The following TDP2 variants were observed in gnomAD, a reference collection of about 807,000 sequenced individuals.
TDP2 encodes tyrosyl-DNA phosphodiesterase 2.
Under a neutral mutation model 42.8 loss-of-function variants are expected in TDP2, and 38 were observed. That is an observed-to-expected ratio of 0.89 (90% CI 0.68 to 1.16). The LOEUF (loss-of-function observed/expected upper bound fraction) is 1.16. Ranked by LOEUF, TDP2 falls within the 50% of genes most tolerant of loss-of-function variation. The pLI is 0.00. For missense variants in TDP2, 439 were observed against 439.3 expected (o/e 1.00, Z 0.01); for synonymous variants, 173 against 150.6 (o/e 1.15, Z -1.09).
intron 2 of TDP2, among the ~76,000 whole-genome samples, chr6:24,659,685 T>C (rs538476254): frequency 6.6e-6 from 1 of 152,352 alleles, no homozygotes; most frequent in South Asian, 2.1e-4. Flanking sequence ...GATCTCATTG[T>C]GGCAGATAAA....
At chr6:24,665,888 G>A (rs1014194740) in intron 2 of TDP2, 2 of 451,770 alleles carry the variant, frequency 4.4e-6, no homozygotes, top group Non-Finnish European at 7.3e-6. Flanking sequence ...AAAATTCCAG[G>A]CACAGGTAAT....
chr6:24,665,969 T>C lies in TDP2; in HGVS notation c.251+557A>G, dbSNP rs956990498. On this transcript the variant is annotated intron_variant, in intron 2 of 6. Transcript: ENST00000378198. The stretch of plus-strand genomic sequence containing the variant: ...GAAAAAAGTAAAAGTTTGATAGGCC[T>C]GGAACCTGGAAAGGCAGGTTCTAAG... The C allele has an allele frequency of 3.6e-6, 4 of 1,111,374 alleles. No individual in the cohort carries two copies. In the African/African-American group the frequency reaches 4.8e-5, roughly 13 times the overall value. 68.8% of individuals were successfully genotyped at this position (1,111,374 alleles called of 1,614,324 possible).
At chr6:24,658,028 T>C (rs1283589009) in intron 3 of TDP2, 125 bp from the exon 4 acceptor site, 15 of 581,730 alleles carry the variant, frequency 2.6e-5, no homozygotes, top group Non-Finnish European at 2.1e-5. Flanking sequence ...ATATTGAGTG[T>C]TTATGCTGAT....
intron 4 of TDP2, among the ~76,000 whole-genome samples, chr6:24,654,927 A>G (rs1778039848): frequency 6.6e-6 from 1 of 152,122 alleles, no homozygotes; most frequent in South Asian, 2.1e-4. Flanking sequence ...AATCCCAGCT[A>G]CTCGGGAGGC....
intron 5 of TDP2, among the ~76,000 whole-genome samples, chr6:24,654,094 A>G (rs1778020330): frequency 6.6e-6 from 1 of 152,308 alleles, no homozygotes; most frequent in East Asian, 1.9e-4. Context: ...AGCAAGATCT[A>G]TTTTTCATTT....
In TDP2 at chr6:24,666,586, G is replaced by A; in HGVS notation, c.191C>T (p.Pro64Leu). Residue 64 changes from proline to leucine, a missense_variant, in exon 2 of 7, where the codon CCT becomes CTT. Coordinates refer to ENST00000378198, the MANE Select transcript of TDP2 (RefSeq NM_016614.3). ...MERALNSYFEPPVEESALERR... is the reference protein window; with the variant it reads ...MERALNSYFELPVEESALERR... ...TTCCAAGGCGCTCTCCTCCACCGGA[G>A]GCTCGAAGTAGGAGTTCAGAGCCCT... 1.9e-6 allele frequency: 3 copies of A among 1,614,224 alleles called. No homozygotes were observed. Among genetic ancestry groups the A allele is most frequent in the East Asian group, 4.5e-5 (2 of 44,892 alleles).
chr6:24,654,329 C>T (rs1778024135), intron 5 of TDP2, 83 bp downstream of exon 5: 1 of 668,698 alleles, frequency 1.5e-6, no homozygotes, highest in Non-Finnish European at 2.4e-6. Flanking sequence ...TCTCTAAAGG[C>T]AATGGTTTTA....
chr6:24,666,852 C>T lies in TDP2; in HGVS notation c.11G>A (p.Gly4Glu). 6.2e-7 allele frequency: 1 copy of T among 1,613,896 alleles called. No individual in the cohort carries two copies. Among genetic ancestry groups the T allele is most frequent in the South Asian group, 1.1e-5 (1 of 91,088 alleles). MEL[G>E]SCLEGGREAA... Reference sequence around the variant, plus strand: ...CTCCCTCCCGCCCTCCAGGCAACTCCCCAACTCCATCTTCCTGCCGCCTCT... The same window carrying T: ...CTCCCTCCCGCCCTCCAGGCAACTCTCCAACTCCATCTTCCTGCCGCCTCT... The change falls in exon 1 of 7, where the codon GGG becomes GAG. Residue 4 changes from glycine to glutamate, a missense_variant. Gly to Glu is a moderately conservative substitution (Grantham distance 98). Coordinates refer to ENST00000378198, the MANE Select transcript of TDP2 (RefSeq NM_016614.3).
chr6:24,656,269 G>A (rs931912390), intron 4 of TDP2, among the ~76,000 whole-genome samples: 4 of 151,996 alleles, frequency 2.6e-5, no homozygotes, highest in South Asian at 2.1e-4. Context: ...CAAGAAAGTA[G>A]AACAGTCAAT....
Position 24,649,994 on chromosome 6 carries a change from T to C in TDP2, c.*794A>G, listed in dbSNP as rs1303081320. ...ACAAACCATAAACAAATAAAATTCT[T>C]TATTTAAATTTCTCTTGTGGGGAAA... On this transcript the variant is annotated 3_prime_UTR_variant, in exon 7 of 7. Coordinates refer to ENST00000378198, the MANE Select transcript of TDP2 (RefSeq NM_016614.3). The C allele has an allele frequency of 6.6e-6, 1 of 152,216 alleles. No homozygotes were observed. The highest frequency in any genetic ancestry group is 1.5e-5 in the Non-Finnish European group (1 of 68,038). 9.4% of individuals were successfully genotyped at this position (152,216 alleles called of 1,614,324 possible).
At chr6:24,656,718 G>A (rs1235713074) in intron 4 of TDP2, among the ~76,000 whole-genome samples, 1 of 152,122 alleles carries the variant, frequency 6.6e-6, no homozygotes, top group Non-Finnish European at 1.5e-5. Context: ...TCAGAATTCT[G>A]AAGGAAAACA....
At position 24,657,799 on chromosome 6, in the gene TDP2, CA is replaced by C. The variant is rs757617796; in HGVS notation, c.517+12del. The C allele has an allele frequency of 9.6e-6, 14 of 1,464,854 alleles. No homozygotes were observed. The highest frequency in any genetic ancestry group is 1.3e-5 in the Non-Finnish European group (14 of 1,074,432). The allele number at this position is 1,464,854 out of a possible 1,614,324, so 90.7% of individuals were successfully genotyped here. A position where few individuals can be genotyped will look rare whatever the true frequency, so the allele number is the denominator to read the frequency against. ...TTCAAAGAAAAGACAAGTTGAATAACAAAAATTGTTACCTGTAATAATCTCA... is the reference window on the plus strand; with the variant it reads ...TTCAAAGAAAAGACAAGTTGAATAACAAAATTGTTACCTGTAATAATCTCA... On this transcript the variant is annotated intron_variant, in intron 4 of 6. Transcript: ENST00000378198.
chr6:24,654,382 TAAAACAC>T, intron 5 of TDP2, 23 bp downstream of exon 5: 1 of 1,112,970 alleles, frequency 9.0e-7, no homozygotes, highest in Non-Finnish European at 1.3e-6. Context: ...CTTTTTTTTA[TAAAACAC>T]TCAATTTTTA....
chr6:24,653,791 T>C (rs559896508), intron 5 of TDP2, among the ~76,000 whole-genome samples: 4 of 152,346 alleles, frequency 2.6e-5, no homozygotes, highest in South Asian at 2.1e-4. Context: ...CTCAACTGAA[T>C]AGAATGCTCA....
Position 24,653,084 on chromosome 6 carries a change from C to G in TDP2, c.706G>C (p.Glu236Gln), listed in dbSNP as rs1461764792. The change falls in exon 6 of 7, where the codon GAA becomes CAA. Residue 236 changes from glutamate to glutamine, a missense_variant. By Grantham distance (29) the Glu-to-Gln change is conservative. Transcript: ENST00000378198. Reference sequence around the variant, plus strand: ...ACCATTTTTAACTGATTCATTCGTTCCGCAGCATGCCCTCTGGTGCTCTCC... The same window carrying G: ...ACCATTTTTAACTGATTCATTCGTTGCGCAGCATGCCCTCTGGTGCTCTCC... ...HLESTRGHAAERMNQLKMVLK... is the reference protein window; with the variant it reads ...HLESTRGHAAQRMNQLKMVLK... 1.2e-6 allele frequency: 2 copies of G among 1,614,152 alleles called. No individual in the cohort carries two copies. Among genetic ancestry groups the G allele is most frequent in the East Asian group, 4.5e-5 (2 of 44,882 alleles).
intron 6 of TDP2, 73 bp downstream of exon 6, chr6:24,652,910 T>C: frequency 6.5e-7 from 1 of 1,537,104 alleles, no homozygotes; most frequent in Non-Finnish European, 8.9e-7. Flanking sequence ...TTAACAGCTT[T>C]GGTCAAAGGA....
At chr6:24,654,343 A>G (rs1285989840) in intron 5 of TDP2, 69 bp downstream of exon 5, 1 of 816,014 alleles carries the variant, frequency 1.2e-6, no homozygotes, top group Non-Finnish European at 1.9e-6. Context: ...GGTTTTAAAA[A>G]GAATAATAAC....
At position 24,657,911 on chromosome 6, in the gene TDP2, A is replaced by G; in HGVS notation, c.426-8T>C. 1 of 1,507,392 alleles carries G rather than the reference A, an allele frequency of 6.6e-7. No homozygotes were observed. The allele number at this position is 1,507,392 out of a possible 1,614,324, so 93.4% of individuals were successfully genotyped here. ...ATCACATCTGGGCTGTACCTAATGA[A>G]AAACATCAATTTATGACAAATACCA... On this transcript the variant is annotated splice_region_variant and splice_polypyrimidine_tract_variant and intron_variant, in intron 3 of 6. Coordinates refer to ENST00000378198, the MANE Select transcript of TDP2 (RefSeq NM_016614.3).
chr6:24,661,457 A>C (rs6920675), intron 2 of TDP2, among the ~76,000 whole-genome samples: 1 of 152,142 alleles, frequency 6.6e-6, no homozygotes. Context: ...TTACTTTCTA[A>C]CACCACAGAT....
Sources: gnomAD v4.1 joint callset for allele counts (sites outside exome capture counted in the v4.1 genomes callset) on GRCh38, gnomAD v4.1.1 for gene constraint, MANE v1.5 for transcripts, NCBI Gene and HGNC (gene_info 2026-07-23, HGNC 2026-07-21) for gene names.